Variants in INPP4A observed in about 807,000 individuals in gnomAD.
INPP4A encodes inositol polyphosphate-4-phosphatase type I A, also known as inositol polyphosphate-4-phosphatase, type I, 107kD.
Under a neutral mutation model 119.8 loss-of-function variants are expected in INPP4A, and 33 were observed. That is an observed-to-expected ratio of 0.28 (90% CI 0.21 to 0.37). INPP4A has a LOEUF of 0.37. Ranked by LOEUF, INPP4A falls within the 10% of genes least tolerant of loss-of-function variation. The pLI, the probability that INPP4A is intolerant of heterozygous loss-of-function variation, is 1.00. For missense variants in INPP4A, 956 were observed against 1,289.9 expected, an observed-to-expected ratio of 0.74 and a Z score of 3.97; for synonymous variants, 496 against 500.7, an observed-to-expected ratio of 0.99 and a Z score of 0.12.
intron 7 of INPP4A, among the ~76,000 whole-genome samples, chr2:98,536,981 T>C (rs1217397079): frequency 6.6e-6 from 1 of 152,202 alleles, no homozygotes; most frequent in Non-Finnish European, 1.5e-5. Flanking sequence ...AGAGGGATCA[T>C]GTAAGGGAAA....
rs1696445663 is a variant in INPP4A, at chr2:98,566,364, C to T, written c.2420+195C>T. On this transcript the variant is annotated intron_variant, in intron 21 of 24. Transcript: ENST00000409851. This position sits in a 1 kb window ranked among gnomAD's most constrained non-coding sequence, Gnocchi z 4.2. ...ACACAGAGTGACCCAGAGGTGGTCTCTGTCCTCAGGGACTCAGCTGGTGGG... is the reference window on the plus strand; with the variant it reads ...ACACAGAGTGACCCAGAGGTGGTCTTTGTCCTCAGGGACTCAGCTGGTGGG... Among the ~76,000 whole-genome samples the T allele has an allele frequency of 6.6e-6, 1 of 152,190 alleles. No individual in the cohort carries two copies. The highest frequency in any genetic ancestry group is 1.5e-5 in the Non-Finnish European group (1 of 68,034).
chr2:98,489,874 A>T (rs1430602497), intron 1 of INPP4A, among the ~76,000 whole-genome samples: 4 of 80,932 alleles, frequency 4.9e-5, no homozygotes, highest in Admixed American at 1.9e-4. Context: ...CCCACCCCCC[A>T]CCCCATGCAG....
rs747514304 is a variant in INPP4A, at chr2:98,546,550, G to T, written c.1055-36G>T. 1.3e-6 allele frequency: 2 copies of T among 1,501,246 alleles called. No homozygotes were observed. The highest frequency in any genetic ancestry group is 1.9e-6 in the Non-Finnish European group (2 of 1,078,694). 93.0% of individuals were successfully genotyped at this position (1,501,246 alleles called of 1,614,324 possible). Reference sequence around the variant, plus strand: ...ATAGCTGGCTTGTCCACAGGCCTGAGCCCAGAGTAATGGAGGAGAGCTTTC... The same window carrying T: ...ATAGCTGGCTTGTCCACAGGCCTGATCCCAGAGTAATGGAGGAGAGCTTTC... On this transcript the variant is annotated intron_variant, in intron 12 of 24. Transcript: ENST00000409851. The surrounding 1 kb of genome is among the most constrained non-coding windows in gnomAD (Gnocchi z 4.2).
intron 1 of INPP4A, among the ~76,000 whole-genome samples, chr2:98,468,903 G>A (rs1305032852): frequency 6.6e-6 from 1 of 150,608 alleles, no homozygotes; most frequent in African/African-American, 2.4e-5. Flanking sequence ...CACAGTGGTT[G>A]CTGAGATGGC....
chr2:98,535,624 A>C (rs1690107986), intron 5 of INPP4A, 105 bp from the exon 6 acceptor site: 2 of 646,058 alleles, frequency 3.1e-6, no homozygotes, highest in Non-Finnish European at 5.5e-6. Flanking sequence ...GATTCAAGGC[A>C]GTGAGAATGT....
At chr2:98,541,326 CAAA>C (rs962914329) in intron 10 of INPP4A, among the ~76,000 whole-genome samples, 1 of 81,244 alleles carries the variant, frequency 1.2e-5, no homozygotes, top group Admixed American at 1.4e-4. Flanking sequence ...GACTCCGTCT[CAAA>C]AAAAAAAAAA....
In INPP4A at chr2:98,566,969, C is replaced by G. The variant is rs1200837028; in HGVS notation, c.2420+800C>G. Among the ~76,000 whole-genome samples the G allele has an allele frequency of 6.6e-6, 1 of 152,182 alleles. No homozygotes were observed. The highest frequency in any genetic ancestry group is 1.9e-4 in the East Asian group (1 of 5,202). ...AACAATATGCCGTGTTCCTGCTGGG[C>G]CTTCTGATGTCCAACCCCAGTGGTT... On this transcript the variant is annotated intron_variant, in intron 21 of 24. Coordinates refer to ENST00000409851, the MANE Select transcript of INPP4A (RefSeq NM_001134225.2). The surrounding 1 kb of genome is among the most constrained non-coding windows in gnomAD (Gnocchi z 4.2).
intron 1 of INPP4A, among the ~76,000 whole-genome samples, chr2:98,451,316 A>C (rs1411952178): frequency 6.6e-6 from 1 of 152,064 alleles, no homozygotes; most frequent in Non-Finnish European, 1.5e-5. Flanking sequence ...CTGGCGAGGG[A>C]CTTAGGCACA....
intron 1 of INPP4A, among the ~76,000 whole-genome samples, chr2:98,447,438 A>G (rs1162386800): frequency 6.6e-6 from 1 of 152,182 alleles, no homozygotes; most frequent in African/African-American, 2.4e-5. Context: ...ATTAACGCCC[A>G]TGCAGGCTTG....
intron 1 of INPP4A, among the ~76,000 whole-genome samples, chr2:98,457,842 C>T (rs1696391112): frequency 6.6e-6 from 1 of 152,030 alleles, no homozygotes; most frequent in African/African-American, 2.4e-5. Flanking sequence ...CGCTCTGTTG[C>T]CCAGGCTATA....
At chr2:98,477,944 A>G (rs74641980) in intron 1 of INPP4A, among the ~76,000 whole-genome samples, 1 of 152,184 alleles carries the variant, frequency 6.6e-6, no homozygotes, top group Non-Finnish European at 1.5e-5. Context: ...CTTGAGGCCT[A>G]GGTCTTCTGG....
At chr2:98,538,574 C>T (rs1690766265) in intron 8 of INPP4A, among the ~76,000 whole-genome samples, 1 of 152,186 alleles carries the variant, frequency 6.6e-6, no homozygotes, top group African/African-American at 2.4e-5. Flanking sequence ...CCAAAATAAG[C>T]CCAGAATGTT....
rs1575082243 is a variant in INPP4A at position 98,559,313 on chromosome 2, G to A, written c.1823-150G>A. ...GAGTACTTTCGTGAGCCTTCTTGGG[G>A]AAGAGGCAGCCAGGCACCCAGACCT... On this transcript the variant is annotated intron_variant, in intron 16 of 24. Coordinates refer to ENST00000409851, the MANE Select transcript of INPP4A (RefSeq NM_001134225.2). The A allele has an allele frequency of 2.8e-5, 23 of 810,308 alleles. No individual in the cohort carries two copies. The East Asian group carries it at 5.9e-4, about 21-fold the overall frequency. The allele number at this position is 810,308 out of a possible 1,614,324, so 50.2% of individuals were successfully genotyped here. A position where few individuals can be genotyped will look rare whatever the true frequency, so the allele number is the denominator to read the frequency against.
intron 1 of INPP4A, among the ~76,000 whole-genome samples, chr2:98,474,992 G>C (rs12477793): frequency 6.6e-6 from 1 of 151,938 alleles, no homozygotes; most frequent in African/African-American, 2.4e-5. Flanking sequence ...TGTATCAGAA[G>C]TTTTTTTTCT....
rs753243916 is a variant in INPP4A, at chr2:98,578,574, TGGAGA to T, written c.2786+1433_2786+1437del. On this transcript the variant is annotated intron_variant, in intron 24 of 24. Coordinates refer to ENST00000409851, the MANE Select transcript of INPP4A (RefSeq NM_001134225.2). ...GGAGACCAGTGACAAAGTGGCCCCC[TGGAGA>T]GCCACAGTGCGATGGCAGGCCTGTC... Among the ~76,000 whole-genome samples the T allele has an allele frequency of 8.9e-4, 135 of 152,276 alleles. 1 individual carries two copies. The highest frequency in any genetic ancestry group is 1.8e-3 in the Admixed American group (28 of 15,304).
intron 13 of INPP4A, among the ~76,000 whole-genome samples, chr2:98,551,535 G>A (rs1693518491): frequency 6.6e-6 from 1 of 152,200 alleles, no homozygotes; most frequent in East Asian, 1.9e-4. Flanking sequence ...TCCAGCAAGG[G>A]AAGGGGTAGT....
intron 1 of INPP4A, among the ~76,000 whole-genome samples, chr2:98,455,424 T>C (rs534343473): frequency 1.3e-5 from 2 of 152,262 alleles, no homozygotes; most frequent in South Asian, 4.1e-4. Context: ...AGTAAATGGA[T>C]TGGCCTTAGG....
At chr2:98,517,816 A>G (rs2105691162) in intron 1 of INPP4A, among the ~76,000 whole-genome samples, 1 of 152,324 alleles carries the variant, frequency 6.6e-6, no homozygotes, top group East Asian at 1.9e-4. Context: ...TATCATTTAC[A>G]AATTTTGATA....
Position 98,587,716 on chromosome 2 carries a change from G to T in INPP4A, c.*108G>T, listed in dbSNP as rs535122400. The T allele has an allele frequency of 5.8e-4, 568 of 983,394 alleles. 4 individuals carry two copies. In the African/African-American group the frequency reaches 8.1e-3, roughly 14 times the overall value. 60.9% of individuals were successfully genotyped at this position (983,394 alleles called of 1,614,324 possible). On this transcript the variant is annotated 3_prime_UTR_variant, in exon 25 of 25. Coordinates refer to ENST00000409851, the MANE Select transcript of INPP4A (RefSeq NM_001134225.2). ...GAAGGATTGGTTTTTATTTTTTGTG[G>T]TTTTTTTAAAAAAAACATTTCACTA...
Sources: gnomAD v4.1 joint callset for allele counts (sites outside exome capture counted in the v4.1 genomes callset) on GRCh38, gnomAD v4.1.1 for gene constraint, Gnocchi (gnomAD v3.1) non-coding constraint, MANE v1.5 for transcripts, NCBI Gene and HGNC (gene_info 2026-07-23, HGNC 2026-07-21) for gene names.